Variants in SIMC1 observed in about 807,000 individuals in gnomAD.
The protein encoded by SIMC1 is SUMO interacting motifs containing 1.
Under a neutral mutation model 82.3 loss-of-function variants are expected in SIMC1, and 55 were observed. The observed-to-expected ratio is 0.67, with a 90% CI of 0.54 to 0.84. The LOEUF is 0.84. Ranked by LOEUF, SIMC1 falls within the 40% of genes least tolerant of loss-of-function variation. The pLI is 0.00. For missense variants in SIMC1, 915 were observed against 1,107.2 expected (o/e 0.83, Z 2.46); for synonymous variants, 353 against 426.3 (o/e 0.83, Z 2.12).
In SIMC1 at chr5:176,259,594, G is replaced by A. The variant is rs1268141631; in HGVS notation, c.129+20957G>A. Among the ~76,000 whole-genome samples, 4 of 152,344 alleles carry A rather than the reference G, an allele frequency of 2.6e-5. No homozygotes were observed. The South Asian group carries it at 6.2e-4, about 24-fold the overall frequency. ...TCGAGACCAGCCTGGCCAACATGGC[G>A]AAACCCTGTCCCTACTAAAAATACA... On this transcript the variant is annotated intron_variant, in intron 1 of 9. Coordinates refer to ENST00000429602, the MANE Select transcript of SIMC1 (RefSeq NM_001308195.2).
chr5:176,243,058 G>A (rs1458813808), intron 1 of SIMC1, among the ~76,000 whole-genome samples: 2 of 151,936 alleles, frequency 1.3e-5, no homozygotes, highest in Admixed American at 6.6e-5. Flanking sequence ...AGCATATGCT[G>A]TAACCCTGGG....
chr5:176,252,070 A>C (rs1195292121), intron 1 of SIMC1, among the ~76,000 whole-genome samples: 4 of 152,128 alleles, frequency 2.6e-5, no homozygotes, highest in South Asian at 2.1e-4. Context: ...CATTGTCATC[A>C]TGGCCCGTTC....
At chr5:176,272,956 C>G (rs544400933) in intron 1 of SIMC1, among the ~76,000 whole-genome samples, 3 of 152,276 alleles carry the variant, frequency 2.0e-5, no homozygotes, top group Admixed American at 1.3e-4. Context: ...CTGGGTGGAG[C>G]CCACCGCAGC....
chr5:176,290,295 A>G lies in SIMC1; in HGVS notation c.771A>G (p.Gln257=), dbSNP rs566454238. ...LSCPSQTMQC[Q]LPALTHPPQE... The stretch of plus-strand genomic sequence containing the variant: ...GCCCATCACAAACCATGCAGTGCCA[A>G]CTACCAGCTCTAACTCACCCACCTC... The change falls in exon 2 of 10, where the codon CAA becomes CAG. Residue 257 remains glutamine (Q), a synonymous_variant. Transcript: ENST00000429602. 3.7e-6 allele frequency: 6 copies of G among 1,613,588 alleles called. No homozygotes were observed. The African/African-American group carries it at 5.3e-5, about 14-fold the overall frequency.
intron 6 of SIMC1, 149 bp downstream of exon 6, chr5:176,322,574 C>A (rs1765213429): frequency 5.9e-6 from 6 of 1,010,348 alleles, no homozygotes; most frequent in Non-Finnish European, 1.4e-6. Context: ...TAACTAGAGG[C>A]TAAATTTCTG....
At chr5:176,273,698 C>T (rs998088687) in intron 1 of SIMC1, among the ~76,000 whole-genome samples, 4 of 152,102 alleles carry the variant, frequency 2.6e-5, no homozygotes, top group Admixed American at 1.3e-4. Flanking sequence ...TGTTTCCCTT[C>T]CTGTGTCCAT....
At chr5:176,247,960 G>A (rs1173141336) in intron 1 of SIMC1, among the ~76,000 whole-genome samples, 3 of 151,736 alleles carry the variant, frequency 2.0e-5, no homozygotes, top group African/African-American at 7.3e-5. Context: ...TGTTCCGTTG[G>A]TCTATATATC....
In SIMC1 at chr5:176,345,429, G is replaced by A. The variant is rs1561741859; in HGVS notation, c.2660G>A (p.Gly887Asp). The change falls in exon 10 of 10, where the codon GGC becomes GAC. Residue 887 changes from glycine to aspartate, a missense_variant. By Grantham distance (94) the Gly-to-Asp change is moderately conservative. Coordinates refer to ENST00000429602, the MANE Select transcript of SIMC1 (RefSeq NM_001308195.2). ...LNPDAEPFQK[G>D]WSGS ...CCTGATGCAGAGCCCTTTCAAAAGGGCTGGAGCGGCTCCTGAGGGCCTGCC... is the reference window on the plus strand; with the variant it reads ...CCTGATGCAGAGCCCTTTCAAAAGGACTGGAGCGGCTCCTGAGGGCCTGCC... The A allele has an allele frequency of 6.2e-7, 1 of 1,613,130 alleles. No individual in the cohort carries two copies. Among genetic ancestry groups the A allele is most frequent in the East Asian group, 2.2e-5 (1 of 44,866 alleles).
At chr5:176,308,329 A>G (rs1764514837) in intron 4 of SIMC1, 19 of 1,494,766 alleles carry the variant, frequency 1.3e-5, no homozygotes, top group Non-Finnish European at 1.7e-5. Flanking sequence ...AGGAAGGACC[A>G]AGTAGAAATT....
chr5:176,338,899 G>A (rs959214365), intron 9 of SIMC1, among the ~76,000 whole-genome samples: 8 of 152,056 alleles, frequency 5.3e-5, no homozygotes, highest in Admixed American at 2.0e-4. Context: ...TCTAGGCCTC[G>A]GTTTCTTCCT....
At chr5:176,308,368 C>T in intron 4 of SIMC1, 1 of 1,565,070 alleles carries the variant, frequency 6.4e-7, no homozygotes, top group Non-Finnish European at 8.8e-7. Flanking sequence ...GCAGCTTCAA[C>T]AGAGGCAGAG....
At position 176,345,461 on chromosome 5, in the gene SIMC1, T is replaced by C. The variant is rs748730922; in HGVS notation, c.*16T>C. 45 of 1,601,794 alleles carry C rather than the reference T, an allele frequency of 2.8e-5. 1 individual carries two copies. In the Middle Eastern group the frequency reaches 1.2e-3, roughly 42 times the overall value. On this transcript the variant is annotated 3_prime_UTR_variant, in exon 10 of 10. Coordinates refer to ENST00000429602, the MANE Select transcript of SIMC1 (RefSeq NM_001308195.2). Reference sequence around the variant, plus strand: ...CGGCTCCTGAGGGCCTGCCAAGCACTGAATGCCAAGAATACCTCCTGAACT... The same window carrying C: ...CGGCTCCTGAGGGCCTGCCAAGCACCGAATGCCAAGAATACCTCCTGAACT...
At chr5:176,264,087 G>A (rs562221617) in intron 1 of SIMC1, among the ~76,000 whole-genome samples, 1 of 152,372 alleles carries the variant, frequency 6.6e-6, no homozygotes, top group South Asian at 2.1e-4. Flanking sequence ...TGCAAGGGGT[G>A]GGCTCCTAAG....
intron 4 of SIMC1, among the ~76,000 whole-genome samples, chr5:176,304,972 A>G: frequency 8.2e-6 from 1 of 121,796 alleles, no homozygotes; most frequent in Admixed American, 7.9e-5. Flanking sequence ...CTGAGAAGTG[A>G]GGAGCCCCTC....
At chr5:176,323,077 C>T (rs1398754766) in intron 6 of SIMC1, among the ~76,000 whole-genome samples, 2 of 152,180 alleles carry the variant, frequency 1.3e-5, no homozygotes, top group African/African-American at 4.8e-5. Context: ...TCAAATGTAA[C>T]ATTTGTGTCT....
Position 176,308,068 on chromosome 5 carries a change from A to G in SIMC1, c.1735-5623A>G. 5.5e-6 allele frequency: 4 copies of G among 722,936 alleles called. No homozygotes were observed. The South Asian group carries it at 5.9e-5, about 11-fold the overall frequency. 44.8% of individuals were successfully genotyped at this position (722,936 alleles called of 1,614,324 possible). A position where few individuals can be genotyped will look rare whatever the true frequency, so the allele number is the denominator to read the frequency against. On this transcript the variant is annotated intron_variant, in intron 4 of 9. Transcript: ENST00000429602. ...AAGCAATGAGCTGGGCCAAGATGGC[A>G]GTGCAGGTGGTGCAGGCGGTGCAGG...
In SIMC1 at chr5:176,336,856, A is replaced by T; in HGVS notation, c.2308A>T (p.Thr770Ser). Residue 770 changes from threonine (T) to serine (S), a missense_variant, in exon 8 of 10, where the codon ACG (threonine) becomes TCG (serine). Thr to Ser is a moderately conservative substitution (Grantham distance 58, BLOSUM62 1). Transcript: ENST00000429602. The stretch of plus-strand genomic sequence containing the variant: ...GGCCCTCTACTTTCTGAATAATTCT[A>T]CGTCACTGCTCAAGTGTCAGGTACA... ...AQALYFLNNS[T>S]SLLKCQSDKS... The T allele has an allele frequency of 6.2e-7, 1 of 1,613,928 alleles. No individual in the cohort carries two copies. The highest frequency in any genetic ancestry group is 1.1e-5 in the South Asian group (1 of 91,074).
At chr5:176,336,573 C>CA in intron 7 of SIMC1, 147 bp from the exon 8 acceptor site, 1 of 1,120,950 alleles carries the variant, frequency 8.9e-7, no homozygotes, top group Non-Finnish European at 1.3e-6. Context: ...ACCCTGTCCA[C>CA]AGGTTTTGTG....
At chr5:176,336,050 G>A (rs1765874691) in intron 7 of SIMC1, among the ~76,000 whole-genome samples, 2 of 142,634 alleles carry the variant, frequency 1.4e-5, no homozygotes, top group African/African-American at 5.2e-5. Context: ...CAGAAAGGCA[G>A]GGGTGGGGTG....
Sources: allele counts gnomAD v4.1 joint callset (sites outside exome capture counted in the v4.1 genomes callset), GRCh38; gene constraint gnomAD v4.1.1; transcripts MANE v1.5; gene names NCBI Gene and HGNC (gene_info 2026-07-23, HGNC 2026-07-21).